Variants in MIR2052HG observed in about 807,000 individuals in gnomAD.
MIR2052HG encodes MIR2052 host gene.
intron 4 of MIR2052HG, among the ~76,000 whole-genome samples, chr8:74,742,250 T>C (rs1809838640): frequency 1.3e-5 from 2 of 152,174 alleles, no homozygotes; most frequent in Admixed American, 1.3e-4. Context: ...TAACTATTCC[T>C]TTGTCAAGAA....
chr8:74,752,143 A>G (rs1346188534), intron 4 of MIR2052HG, among the ~76,000 whole-genome samples: 1 of 151,878 alleles, frequency 6.6e-6, no homozygotes, highest in Admixed American at 6.6e-5. Flanking sequence ...TTAGCTGGGC[A>G]TGGTGGCCTC....
chr8:74,652,747 A>G (rs998609446), intron 2 of MIR2052HG, among the ~76,000 whole-genome samples: 2 of 152,204 alleles, frequency 1.3e-5, no homozygotes, highest in Non-Finnish European at 1.5e-5. Flanking sequence ...ATACTTGTGC[A>G]TATCAGATTC....
intron 2 of MIR2052HG, among the ~76,000 whole-genome samples, chr8:74,651,943 A>G (rs962094634): frequency 3.3e-5 from 5 of 152,114 alleles, no homozygotes; most frequent in African/African-American, 1.2e-4. Flanking sequence ...TTTTGTACTG[A>G]ACTGTGTCTT....
intron 1 of MIR2052HG, among the ~76,000 whole-genome samples, chr8:74,608,663 G>GAA (rs959433998): frequency 6.6e-6 from 1 of 152,046 alleles, no homozygotes; most frequent in Admixed American, 6.5e-5. Context: ...ATCATGAATA[G>GAA]AAAAATCTCC....
chr8:74,678,651 T>TA (rs1809083767), intron 2 of MIR2052HG, among the ~76,000 whole-genome samples: 1 of 144,854 alleles, frequency 6.9e-6, no homozygotes, highest in Non-Finnish European at 1.5e-5. Flanking sequence ...ATTCTAAAGG[T>TA]AAAGAAAAGG....
Position 74,693,398 on chromosome 8 carries a change from C to T in MIR2052HG, n.217-8981C>T, listed in dbSNP as rs181965886. Among the ~76,000 whole-genome samples the T allele has an allele frequency of 3.3e-5, 5 of 152,096 alleles. No homozygotes were observed. In the East Asian group the frequency reaches 9.7e-4, roughly 30 times the overall value. On this transcript the variant is annotated intron_variant and non_coding_transcript_variant, in intron 2 of 6. Coordinates refer to ENST00000523442, the Ensembl canonical transcript of MIR2052HG. Reference sequence around the variant, plus strand: ...TTCCATCTGAACTTTGTAATAATTTCGATCTAATGTGAAGTTTCCTGGATA... The same window carrying T: ...TTCCATCTGAACTTTGTAATAATTTTGATCTAATGTGAAGTTTCCTGGATA...
intron 2 of MIR2052HG, among the ~76,000 whole-genome samples, chr8:74,675,555 C>T (rs954219115): frequency 1.1e-4 from 17 of 151,794 alleles, no homozygotes; most frequent in African/African-American, 4.1e-4. Flanking sequence ...AGGCACTGTG[C>T]AGAGGATGAT....
intron 2 of MIR2052HG, among the ~76,000 whole-genome samples, chr8:74,662,858 T>TTTTGTGTGTGTG (rs1808880110): frequency 6.9e-6 from 1 of 144,198 alleles, no homozygotes; most frequent in African/African-American, 2.5e-5. Flanking sequence ...AATGACTCAT[T>TTTTGTGTGTGTG]TGTGTGTGTG....
chr8:74,741,325 G>C (rs886985408), intron 4 of MIR2052HG, among the ~76,000 whole-genome samples: 1 of 152,120 alleles, frequency 6.6e-6, no homozygotes, highest in Non-Finnish European at 1.5e-5. Context: ...TTCCTGTACA[G>C]AACTTGCCTT....
chr8:74,751,761 A>G (rs958166909), intron 4 of MIR2052HG, among the ~76,000 whole-genome samples: 8 of 152,234 alleles, frequency 5.3e-5, no homozygotes, highest in Admixed American at 4.6e-4. Context: ...CCTAATTATG[A>G]TGACAAATTA....
At chr8:74,703,990 A>G (rs771234694) in intron 4 of MIR2052HG, among the ~76,000 whole-genome samples, 4 of 151,974 alleles carry the variant, frequency 2.6e-5, no homozygotes, top group Non-Finnish European at 5.9e-5. Context: ...GGAGAGGAGT[A>G]GTTATATTTT....
intron 2 of MIR2052HG, among the ~76,000 whole-genome samples, chr8:74,624,816 A>G (rs1200586585): frequency 6.6e-6 from 1 of 152,166 alleles, no homozygotes; most frequent in African/African-American, 2.4e-5. Flanking sequence ...GGAATTCTGT[A>G]TAGTTTTCTC....
chr8:74,722,180 C>T (rs924212256), intron 4 of MIR2052HG, among the ~76,000 whole-genome samples: 1 of 152,050 alleles, frequency 6.6e-6, no homozygotes, highest in African/African-American at 2.4e-5. Flanking sequence ...AGCCCTGTCC[C>T]TTCCACCCCC....
chr8:74,731,091 A>G (rs1037711820), intron 4 of MIR2052HG, among the ~76,000 whole-genome samples: 3 of 152,160 alleles, frequency 2.0e-5, no homozygotes, highest in Admixed American at 1.3e-4. Flanking sequence ...GCCAGTTGAC[A>G]TTATCCAGCC....
At chr8:74,685,409 T>C (rs1809169883) in intron 2 of MIR2052HG, among the ~76,000 whole-genome samples, 1 of 152,132 alleles carries the variant, frequency 6.6e-6, no homozygotes, top group Non-Finnish European at 1.5e-5. Flanking sequence ...GTTGCTTTAT[T>C]TTCAAACAAC....
intron 2 of MIR2052HG, among the ~76,000 whole-genome samples, chr8:74,652,271 A>G (rs74363520): frequency 0.045 from 6,830 of 152,324 alleles, 230 homozygotes; most frequent in Non-Finnish European, 0.053. Context: ...GAATGTGGCC[A>G]TATGACTTAC....
intron 2 of MIR2052HG, among the ~76,000 whole-genome samples, chr8:74,616,679 G>A (rs111825541): frequency 1.3e-5 from 2 of 152,120 alleles, no homozygotes; most frequent in African/African-American, 4.8e-5. Context: ...CATTGTAAAT[G>A]AAGGAAGTAA....
chr8:74,629,171 G>A (rs1433194832), intron 2 of MIR2052HG, among the ~76,000 whole-genome samples: 1 of 152,102 alleles, frequency 6.6e-6, no homozygotes, highest in Admixed American at 6.6e-5. Flanking sequence ...ACAAGTTTAA[G>A]TTTTTGGCAA....
At chr8:74,656,702 G>A (rs1006342827) in intron 2 of MIR2052HG, among the ~76,000 whole-genome samples, 1 of 152,092 alleles carries the variant, frequency 6.6e-6, no homozygotes, top group Non-Finnish European at 1.5e-5. Flanking sequence ...CCAGGAGATT[G>A]TCTTTGAACC....
Sources: gnomAD v4.1 joint callset for allele counts (sites outside exome capture counted in the v4.1 genomes callset) on GRCh38, gnomAD v4.1.1 for gene constraint, MANE v1.5 for transcripts, NCBI Gene and HGNC (gene_info 2026-07-23, HGNC 2026-07-21) for gene names.